The following SH2D4B variants were observed in gnomAD, a reference collection of about 807,000 sequenced individuals.
SH2D4B encodes the protein SH2 domain-containing protein 4B.
Under a neutral mutation model 61.5 loss-of-function variants are expected in SH2D4B, and 45 were observed. The ratio of observed to expected loss-of-function variants is 0.73; its 90% confidence interval spans 0.58 to 0.94. The LOEUF is 0.94. SH2D4B is among the 40% of genes least tolerant of loss of function. SH2D4B has a pLI of 0.00. For missense variants in SH2D4B, 572 were observed against 574.2 expected (o/e 1.00, Z 0.04); for synonymous variants, 224 against 220.4 (o/e 1.02, Z -0.14).
chr10:80,551,551 G>A (rs1002397574), intron 1 of SH2D4B, among the ~76,000 whole-genome samples: 4 of 152,014 alleles, frequency 2.6e-5, no homozygotes, highest in African/African-American at 9.7e-5. Context: ...AAATGAACAA[G>A]CAATTGCAGG....
rs376568781 is a variant in SH2D4B at position 80,603,562 on chromosome 10, T to C, written c.644-17T>C. The C allele has an allele frequency of 3.9e-6, 6 of 1,524,200 alleles. No homozygotes were observed. The highest frequency in any genetic ancestry group is 1.2e-5 in the South Asian group (1 of 81,980). 94.4% of individuals were successfully genotyped at this position (1,524,200 alleles called of 1,614,324 possible). ...GGGCTGCGGATCTGGGCTAACGTGC[T>C]GTCTTCCTCTTTCCAGTGCGCCGGT... is the stretch of plus-strand genomic sequence containing the variant. On this transcript the variant is annotated splice_polypyrimidine_tract_variant and intron_variant, in intron 4 of 7. Coordinates refer to ENST00000646907, the MANE Select transcript of SH2D4B (RefSeq NM_001388272.1).
At chr10:80,584,116 G>A (rs948806811) in intron 3 of SH2D4B, among the ~76,000 whole-genome samples, 1 of 152,290 alleles carries the variant, frequency 6.6e-6, no homozygotes, top group South Asian at 2.1e-4. Flanking sequence ...ATGTAAATGT[G>A]GCATATAGAC....
intron 7 of SH2D4B, among the ~76,000 whole-genome samples, chr10:80,639,198 A>C (rs138163511): frequency 0.028 from 4,269 of 152,260 alleles, 204 homozygotes; most frequent in African/African-American, 0.098. Flanking sequence ...GGAGTGCTTT[A>C]CTTCCAACTG....
At chr10:80,587,131 T>G (rs1347933754) in intron 3 of SH2D4B, among the ~76,000 whole-genome samples, 5 of 52,362 alleles carry the variant, frequency 9.5e-5, no homozygotes, top group African/African-American at 2.2e-4. Flanking sequence ...TCCGGCCACG[T>G]TTTTTTTTTT....
At chr10:80,552,909 T>TCTC (rs558763263) in intron 1 of SH2D4B, among the ~76,000 whole-genome samples, 1 of 147,686 alleles carries the variant, frequency 6.8e-6, no homozygotes, top group African/African-American at 2.6e-5. Flanking sequence ...CTCTCTCTCT[T>TCTC]GCTCTCTCTC....
At chr10:80,621,253 C>T (rs1318592265) in intron 6 of SH2D4B, among the ~76,000 whole-genome samples, 2 of 152,218 alleles carry the variant, frequency 1.3e-5, no homozygotes, top group Non-Finnish European at 2.9e-5. Flanking sequence ...TGCTAAACAT[C>T]CTGCAGTGCA....
chr10:80,570,461 C>T, intron 2 of SH2D4B, 145 bp downstream of exon 2: 1 of 997,218 alleles, frequency 1.0e-6, no homozygotes, highest in Non-Finnish European at 1.4e-6. Context: ...CTCAGGTGAG[C>T]CACCCGCTTC....
At chr10:80,609,627 T>C (rs1435296970) in intron 6 of SH2D4B, 76 bp downstream of exon 6, 5 of 1,602,172 alleles carry the variant, frequency 3.1e-6, no homozygotes, top group Non-Finnish European at 4.3e-6. Context: ...GGAGGGGTGC[T>C]GAAGGACAGT....
At chr10:80,540,693 C>G in intron 1 of SH2D4B, 1 of 764,336 alleles carries the variant, frequency 1.3e-6, no homozygotes, top group South Asian at 1.9e-5. Flanking sequence ...TTCACCAATT[C>G]ATTCACTTAT....
At chr10:80,607,901 GTTA>G (rs1382274510) in intron 5 of SH2D4B, among the ~76,000 whole-genome samples, 1 of 152,140 alleles carries the variant, frequency 6.6e-6, no homozygotes, top group East Asian at 1.9e-4. Flanking sequence ...ATGCTGTATT[GTTA>G]TTATTATTTT....
intron 4 of SH2D4B, among the ~76,000 whole-genome samples, chr10:80,601,559 C>T (rs57642508): frequency 0.12 from 17,667 of 152,186 alleles, 1,201 homozygotes; most frequent in East Asian, 0.25. Flanking sequence ...TAGAATATAG[C>T]AATGAATAGA....
At chr10:80,634,233 A>ATCTC in intron 6 of SH2D4B, 52 bp from the exon 7 acceptor site, 7 of 1,471,938 alleles carry the variant, frequency 4.8e-6, no homozygotes, top group East Asian at 5.0e-5. Context: ...ATCGTGGGGG[A>ATCTC]GGCAGTCGCA....
intron 1 of SH2D4B, among the ~76,000 whole-genome samples, chr10:80,563,309 C>T (rs1841930084): frequency 6.6e-6 from 1 of 152,134 alleles, no homozygotes; most frequent in South Asian, 2.1e-4. Flanking sequence ...TTGTTTTCTT[C>T]TGTTGAGTTG....
Position 80,538,788 on chromosome 10 carries a change from C to T in SH2D4B, c.184+273C>T, listed in dbSNP as rs1032234980. Reference sequence around the variant, plus strand: ...TTGCTTTGTCTTGTTGTGGAAGGCCCGAGTTCTGGGAAGACACCATTGAGA... The same window carrying T: ...TTGCTTTGTCTTGTTGTGGAAGGCCTGAGTTCTGGGAAGACACCATTGAGA... On this transcript the variant is annotated intron_variant, in intron 1 of 7. Transcript: ENST00000646907. The surrounding 1 kb of genome is among the most constrained non-coding windows in gnomAD (Gnocchi z 4.8). 3.9e-5 allele frequency among the ~76,000 whole-genome samples: 6 copies of T among 152,172 alleles called. No homozygotes were observed. Among genetic ancestry groups the T allele is most frequent in the African/African-American group, 1.2e-4 (5 of 41,440 alleles).
intron 7 of SH2D4B, among the ~76,000 whole-genome samples, chr10:80,636,727 A>G (rs1840181931): frequency 6.6e-6 from 1 of 151,712 alleles, no homozygotes; most frequent in African/African-American, 2.4e-5. Flanking sequence ...AGATTGCAAA[A>G]ATTTTCTCCC....
At chr10:80,632,103 T>C (rs7899360) in intron 6 of SH2D4B, among the ~76,000 whole-genome samples, 4,049 of 152,042 alleles carry the variant, frequency 0.027, 191 homozygotes, top group African/African-American at 0.094. Flanking sequence ...ATTTTTAATT[T>C]TTTTGTGGAG....
intron 6 of SH2D4B, among the ~76,000 whole-genome samples, chr10:80,628,403 T>C (rs1225164863): frequency 2.6e-5 from 4 of 152,108 alleles, no homozygotes; most frequent in Admixed American, 6.5e-5. Flanking sequence ...CCACGTAAGA[T>C]GTGAGTTGTT....
At chr10:80,543,611 G>T (rs1841617783) in intron 1 of SH2D4B, among the ~76,000 whole-genome samples, 2 of 152,206 alleles carry the variant, frequency 1.3e-5, no homozygotes, top group Admixed American at 6.5e-5. Context: ...GCACCGCGCG[G>T]GACTGGCAGG....
rs34390639 is a variant in SH2D4B, at chr10:80,605,286, CT to C, written c.860+1500del. 3.5e-3 allele frequency among the ~76,000 whole-genome samples: 529 copies of C among 150,382 alleles called. 4 individuals are homozygous for C. The highest frequency in any genetic ancestry group is 0.021 in the Middle Eastern group (6 of 288). On this transcript the variant is annotated intron_variant, in intron 5 of 7. Coordinates refer to ENST00000646907, the MANE Select transcript of SH2D4B (RefSeq NM_001388272.1). ...TCAATTCTTATATTATCTATTTAGG[CT>C]TTTTTTTTAACAGGTGCATAGTATT...
Sources: gnomAD v4.1 joint callset for allele counts (sites outside exome capture counted in the v4.1 genomes callset) on GRCh38, gnomAD v4.1.1 for gene constraint, Gnocchi (gnomAD v3.1) non-coding constraint, MANE v1.5 for transcripts, NCBI Gene and HGNC (gene_info 2026-07-23, HGNC 2026-07-21) for gene names.